GRM7: variants seen among roughly 807,000 people sequenced by gnomAD.
The protein encoded by GRM7 is metabotropic glutamate receptor 7.
In GRM7, 35 loss-of-function variants were observed where a neutral mutation model predicts 84.5. The ratio of observed to expected loss-of-function variants is 0.41; its 90% CI spans 0.32 to 0.55. The LOEUF is 0.55. GRM7 is among the 20% of genes least tolerant of loss of function. The probability of loss-of-function intolerance (pLI) is 0.19; values close to 1 mark genes in which losing one functional copy is unlikely to be tolerated. For missense variants in GRM7, 1,003 were observed against 1,194.6 expected, an observed-to-expected ratio of 0.84 and a Z score of 2.36; for synonymous variants, 487 against 455.1, an observed-to-expected ratio of 1.07 and a Z score of -0.89.
At chr3:7,381,593 C>T (rs1368200785) in intron 4 of GRM7, among the ~76,000 whole-genome samples, 4 of 152,054 alleles carry the variant, frequency 2.6e-5, no homozygotes, top group Non-Finnish European at 2.9e-5. Context: ...CAAAGAGCCG[C>T]CTGACCGTAT....
At chr3:7,117,719 C>T (rs9877154) in intron 1 of GRM7, among the ~76,000 whole-genome samples, 85,062 of 152,068 alleles carry the variant, frequency 0.56, 26,459 homozygotes, top group African/African-American at 0.85. Flanking sequence ...CCTTATGGGC[C>T]ATGTGAAGTT....
intron 2 of GRM7, among the ~76,000 whole-genome samples, chr3:7,228,787 C>T (rs1697066109): frequency 6.6e-6 from 1 of 152,118 alleles, no homozygotes; most frequent in Non-Finnish European, 1.5e-5. Context: ...TTAACATTTC[C>T]CTTTATTTGC....
intron 9 of GRM7, among the ~76,000 whole-genome samples, chr3:7,717,612 G>A (rs1701810015): frequency 6.6e-6 from 1 of 152,122 alleles, no homozygotes; most frequent in Non-Finnish European, 1.5e-5. Flanking sequence ...TCAAACTCCT[G>A]TCCCATCAAC....
chr3:7,536,754 C>T (rs6793664), intron 7 of GRM7, among the ~76,000 whole-genome samples: 8,759 of 152,210 alleles, frequency 0.058, 779 homozygotes, highest in African/African-American at 0.19. Context: ...GGAAGTGGAT[C>T]CTTCAGCCCC....
At chr3:7,289,136 C>A (rs922770151) in intron 2 of GRM7, among the ~76,000 whole-genome samples, 2 of 152,100 alleles carry the variant, frequency 1.3e-5, no homozygotes, top group Non-Finnish European at 2.9e-5. Flanking sequence ...GCTTGGAGAC[C>A]AGTGACAATT....
intron 1 of GRM7, among the ~76,000 whole-genome samples, chr3:7,106,366 T>C (rs1438029660): frequency 6.6e-6 from 1 of 151,844 alleles, no homozygotes; most frequent in Non-Finnish European, 1.5e-5. Context: ...CTGGGATCAT[T>C]CTGCTTCCTT....
chr3:6,996,665 A>C (rs1694840047), intron 1 of GRM7, among the ~76,000 whole-genome samples: 1 of 152,124 alleles, frequency 6.6e-6, no homozygotes, highest in Non-Finnish European at 1.5e-5. Flanking sequence ...AGCCAAATTT[A>C]TTGCATCCCT....
intron 2 of GRM7, among the ~76,000 whole-genome samples, chr3:7,215,615 A>G (rs1559506904): frequency 6.6e-6 from 1 of 152,038 alleles, no homozygotes; most frequent in Non-Finnish European, 1.5e-5. Flanking sequence ...CAGTGAGCTG[A>G]GATCGCGCCA....
At chr3:7,384,716 C>T (rs534053226) in intron 4 of GRM7, among the ~76,000 whole-genome samples, 2 of 152,234 alleles carry the variant, frequency 1.3e-5, no homozygotes, top group Non-Finnish European at 2.9e-5. Flanking sequence ...TCAACAGCCA[C>T]ACGGGGCTGG....
chr3:7,247,646 G>GT (rs1212481432), intron 2 of GRM7, among the ~76,000 whole-genome samples: 1 of 139,218 alleles, frequency 7.2e-6, no homozygotes, highest in Non-Finnish European at 1.6e-5. Flanking sequence ...AAAAATAATA[G>GT]TAAAAAAAAA....
At chr3:7,460,179 AAAC>A (rs1254298245) in intron 6 of GRM7, among the ~76,000 whole-genome samples, 6 of 151,332 alleles carry the variant, frequency 4.0e-5, no homozygotes, top group African/African-American at 1.2e-4. Context: ...GTCCCCACAC[AAAC>A]AACTAACTCA....
chr3:7,119,131 G>T (rs1014897343), intron 1 of GRM7, among the ~76,000 whole-genome samples: 1 of 152,056 alleles, frequency 6.6e-6, no homozygotes, highest in South Asian at 2.1e-4. Context: ...AACTATGAGT[G>T]TGCGTGTTTG....
At chr3:7,294,980 G>C (rs774360527) in intron 2 of GRM7, among the ~76,000 whole-genome samples, 23 of 152,094 alleles carry the variant, frequency 1.5e-4, no homozygotes, top group Non-Finnish European at 2.8e-4. Flanking sequence ...TCTCAATGCT[G>C]TCTTTCACAG....
chr3:7,357,246 G>T lies in GRM7; in HGVS notation c.1033+50594G>T, dbSNP rs145393522. Among the ~76,000 whole-genome samples, 929 of 151,790 alleles carry T rather than the reference G, an allele frequency of 6.1e-3. 6 individuals carry two copies. Among genetic ancestry groups the T allele is most frequent in the African/African-American group, 0.021 (876 of 41,428 alleles). ...TTACTACTTCAAAAAAAACAAAAAA[G>T]TATTTTTTTTGCTCGTGACCTTAAA... is the stretch of plus-strand genomic sequence containing the variant. On this transcript the variant is annotated intron_variant, in intron 4 of 9. Transcript: ENST00000357716.
intron 1 of GRM7, among the ~76,000 whole-genome samples, chr3:7,112,126 G>A (rs368797718): frequency 6.6e-6 from 1 of 152,164 alleles, no homozygotes; most frequent in East Asian, 1.9e-4. Context: ...GGGTTATGCA[G>A]TGAATTCATG....
At chr3:7,709,685 T>G (rs1013066147) in intron 9 of GRM7, among the ~76,000 whole-genome samples, 42 of 152,208 alleles carry the variant, frequency 2.8e-4, no homozygotes, top group African/African-American at 9.9e-4. Flanking sequence ...CTGCTTTCAA[T>G]AAGCAGTTCA....
At chr3:7,337,287 T>C (rs534768847) in intron 4 of GRM7, among the ~76,000 whole-genome samples, 2 of 152,188 alleles carry the variant, frequency 1.3e-5, no homozygotes, top group African/African-American at 4.8e-5. Flanking sequence ...GACTTAAATC[T>C]AAGACCTCTA....
At chr3:7,440,624 G>C (rs954208331) in intron 5 of GRM7, among the ~76,000 whole-genome samples, 2 of 152,098 alleles carry the variant, frequency 1.3e-5, no homozygotes, top group Non-Finnish European at 2.9e-5. Context: ...CGTAGTATCC[G>C]ACAGGTAGTT....
chr3:7,533,612 G>C (rs907674174), intron 7 of GRM7, among the ~76,000 whole-genome samples: 1 of 152,056 alleles, frequency 6.6e-6, no homozygotes, highest in Non-Finnish European at 1.5e-5. Context: ...TTCACAAAAG[G>C]GCTCTGGCAA....
Sources: gnomAD v4.1 joint callset for allele counts (sites outside exome capture counted in the v4.1 genomes callset) on GRCh38, gnomAD v4.1.1 for gene constraint, MANE v1.5 for transcripts, NCBI Gene and HGNC (gene_info 2026-07-23, HGNC 2026-07-21) for gene names.